The following PCDHA10 variants were observed in gnomAD, a reference collection of about 807,000 sequenced individuals.
PCDHA10 encodes the protein protocadherin alpha 10.
In PCDHA10, 45 loss-of-function variants were observed where a neutral mutation model predicts 61.2. The ratio of observed to expected loss-of-function variants is 0.74; its 90% CI spans 0.58 to 0.94. PCDHA10 has a LOEUF of 0.94. Ranked by LOEUF, PCDHA10 falls within the 40% of genes least tolerant of loss-of-function variation. The pLI is 0.00. For synonymous variants in PCDHA10, 602 were observed against 548.8 expected (o/e 1.10, Z -1.35); for missense variants, 1,278 against 1,236.2 (o/e 1.03, Z -0.51).
chr5:140,972,359 A>T (rs1466504264), intron 1 of PCDHA10, among the ~76,000 whole-genome samples: 3 of 151,418 alleles, frequency 2.0e-5, no homozygotes, highest in Non-Finnish European at 4.4e-5. Flanking sequence ...TATGTTGCAC[A>T]TGCTGTTAGT....
intron 1 of PCDHA10, among the ~76,000 whole-genome samples, chr5:140,939,255 A>T (rs1032457788): frequency 2.6e-5 from 4 of 152,060 alleles, no homozygotes; most frequent in Non-Finnish European, 4.4e-5. Context: ...GCTCTCTGGA[A>T]CCTCTTTTAT....
At chr5:140,897,872 A>G (rs1327007992) in intron 1 of PCDHA10, among the ~76,000 whole-genome samples, 1 of 152,068 alleles carries the variant, frequency 6.6e-6, no homozygotes, top group Non-Finnish European at 1.5e-5. Context: ...CTTTTTAATG[A>G]TTGCCATTCT....
intron 1 of PCDHA10, among the ~76,000 whole-genome samples, chr5:140,905,926 A>G (rs1040903041): frequency 6.6e-6 from 1 of 152,318 alleles, no homozygotes; most frequent in East Asian, 1.9e-4. Flanking sequence ...TCTGAGTCCC[A>G]AAGCTGAAGA....
intron 1 of PCDHA10, chr5:140,870,744 C>G: frequency 3.7e-6 from 6 of 1,613,474 alleles, no homozygotes; most frequent in Non-Finnish European, 5.1e-6. Flanking sequence ...TGAGCAGCAA[C>G]GTGACGCTGC....
At chr5:140,935,047 A>G (rs782161261) in intron 1 of PCDHA10, among the ~76,000 whole-genome samples, 11 of 152,140 alleles carry the variant, frequency 7.2e-5, no homozygotes, top group Admixed American at 3.3e-4. Flanking sequence ...GATTTCTGGT[A>G]TTACAAGATG....
chr5:141,009,627 A>G lies in PCDHA10; in HGVS notation c.2537A>G (p.Glu846Gly), dbSNP rs782179145. 6.2e-7 allele frequency: 1 copy of G among 1,612,842 alleles called. No individual in the cohort carries two copies. The highest frequency in any genetic ancestry group is 1.1e-5 in the South Asian group (1 of 90,980). The change falls in exon 4 of 4, where the codon GAA becomes GGA. Residue 846 changes from glutamate (E) to glycine (G), a missense_variant and splice_region_variant. By Grantham distance (98) the Glu-to-Gly change is moderately conservative (BLOSUM62 -2). Coordinates refer to ENST00000307360, the MANE Select transcript of PCDHA10 (RefSeq NM_018901.4). Reference protein sequence around the residue: ...QWPTVSSATPEPEAGEVSPPV... With the variant: ...QWPTVSSATPGPEAGEVSPPV... ...TGATTTGTAATGTTTTGTCTTTCAGAACCAGAGGCAGGAGAAGTGTCCCCT... is the reference window on the plus strand; with the variant it reads ...TGATTTGTAATGTTTTGTCTTTCAGGACCAGAGGCAGGAGAAGTGTCCCCT...
intron 1 of PCDHA10, chr5:140,881,249 A>G (rs1582554645): frequency 2.3e-6 from 1 of 434,858 alleles, no homozygotes; most frequent in Non-Finnish European, 3.1e-6. Context: ...AATGACGGCA[A>G]GGTTTTACTC....
At chr5:140,997,603 C>T (rs781897268) in intron 3 of PCDHA10, among the ~76,000 whole-genome samples, 2 of 151,824 alleles carry the variant, frequency 1.3e-5, no homozygotes, top group African/African-American at 2.4e-5. Flanking sequence ...GATTATGGGG[C>T]GCATGACTAT....
intron 1 of PCDHA10, among the ~76,000 whole-genome samples, chr5:140,879,219 A>G (rs2057906971): frequency 6.6e-6 from 1 of 152,252 alleles, no homozygotes; most frequent in South Asian, 2.1e-4. Context: ...AATGAATTGA[A>G]AAAGACATAT....
At chr5:140,905,116 C>A (rs570992369) in intron 1 of PCDHA10, among the ~76,000 whole-genome samples, 1 of 152,282 alleles carries the variant, frequency 6.6e-6, no homozygotes, top group Non-Finnish European at 1.5e-5. Context: ...TTGCCTAAGC[C>A]AATGTCTAGA....
intron 1 of PCDHA10, chr5:140,870,486 G>C (rs1318169830): frequency 5.0e-6 from 8 of 1,614,136 alleles, no homozygotes; most frequent in South Asian, 1.1e-5. Context: ...AGTACACCGT[G>C]TTCGTGAAGG....
At position 140,862,652 on chromosome 5, in the gene PCDHA10, G is replaced by A. The variant is rs904797822; in HGVS notation, c.2388+4216G>A. ...TGCCACGACTTCACAGTGTCCGCGC[G>A]GGACCGGGACGCGCAGGAGAACGTG... is the stretch of plus-strand genomic sequence containing the variant. On this transcript the variant is annotated intron_variant, in intron 1 of 3. Coordinates refer to ENST00000307360, the MANE Select transcript of PCDHA10 (RefSeq NM_018901.4). The A allele has an allele frequency of 1.4e-4, 76 of 544,114 alleles. 1 individual carries two copies. The highest frequency in any genetic ancestry group is 3.8e-5 in the African/African-American group (2 of 52,208). 33.7% of individuals were successfully genotyped at this position (544,114 alleles called of 1,614,324 possible). A position where few individuals can be genotyped will look rare whatever the true frequency, so the allele number is the denominator to read the frequency against.
chr5:140,953,601 C>T (rs1448878513), intron 1 of PCDHA10, among the ~76,000 whole-genome samples: 3 of 152,014 alleles, frequency 2.0e-5, no homozygotes, highest in Non-Finnish European at 4.4e-5. Flanking sequence ...TTGTTTATTC[C>T]CCAGAGTCCT....
At chr5:140,917,335 G>GGGGGGGGGGT in intron 1 of PCDHA10, among the ~76,000 whole-genome samples, 2 of 146,518 alleles carry the variant, frequency 1.4e-5, no homozygotes, top group Non-Finnish European at 3.1e-5. Flanking sequence ...GGGGGAGGGG[G>GGGGGGGGGGT]GGGATGGTGT....
At position 140,884,470 on chromosome 5, in the gene PCDHA10, G is replaced by A. The variant is rs1453696477; in HGVS notation, c.2388+26034G>A. The A allele has an allele frequency of 2.5e-6, 4 of 1,613,644 alleles. No homozygotes were observed. Among genetic ancestry groups the A allele is most frequent in the South Asian group, 2.2e-5 (2 of 91,036 alleles). On this transcript the variant is annotated intron_variant, in intron 1 of 3. Coordinates refer to ENST00000307360, the MANE Select transcript of PCDHA10 (RefSeq NM_018901.4). The stretch of plus-strand genomic sequence containing the variant: ...CGCCCACCGAGGGCGCGTGCGCGCC[G>A]GGCAAGCCCACTCTAGTGTGCTCCA...
chr5:140,902,203 C>CTTTTTTTT (rs148688132), intron 1 of PCDHA10, among the ~76,000 whole-genome samples: 9 of 124,444 alleles, frequency 7.2e-5, no homozygotes, highest in Non-Finnish European at 8.4e-5. Context: ...CTCTCTCTTT[C>CTTTTTTTT]TTTTTTTTTT....
At chr5:140,969,210 C>G in intron 1 of PCDHA10, 1 of 1,614,184 alleles carries the variant, frequency 6.2e-7, no homozygotes, top group Non-Finnish European at 8.5e-7. Context: ...GGGGCCCAGA[C>G]AGGACCAGGG....
rs1051787265 is a variant in PCDHA10 at position 140,857,050 on chromosome 5, G to A, written c.1002G>A (p.Thr334=). The change falls in exon 1 of 4, where the codon ACG becomes ACA. Residue 334 remains threonine (T), a synonymous_variant. Transcript: ENST00000307360. ...ACCCACCTATGGTTGGTCACTGCAC[G>A]GTCCTAGTGGAACTACTGGATGAAA... is the stretch of plus-strand genomic sequence containing the variant. ...KGNPPMVGHC[T]VLVELLDEND... is the part of the protein sequence containing the mutation. 1.3e-5 allele frequency: 20 copies of A among 1,595,508 alleles called. 1 individual carries two copies. The highest frequency in any genetic ancestry group is 1.7e-5 in the Non-Finnish European group (20 of 1,165,320).
chr5:140,909,454 C>G (rs1317276726), intron 1 of PCDHA10, among the ~76,000 whole-genome samples: 2 of 152,190 alleles, frequency 1.3e-5, no homozygotes, highest in African/African-American at 4.8e-5. Flanking sequence ...TCTCCAAGAT[C>G]CATCTGTCTT....
Sources: allele counts gnomAD v4.1 joint callset (sites outside exome capture counted in the v4.1 genomes callset), GRCh38; gene constraint gnomAD v4.1.1; transcripts MANE v1.5; gene names NCBI Gene and HGNC (gene_info 2026-07-23, HGNC 2026-07-21).